Variants in MFSD1 observed in about 807,000 individuals in gnomAD.
The protein encoded by MFSD1 is major facilitator superfamily domain containing 1.
MFSD1 carries 59 observed loss-of-function variants against 67.1 expected under a neutral mutation model. The observed-to-expected ratio is 0.88, with a 90% CI of 0.71 to 1.09. MFSD1 has a LOEUF of 1.09. Ranked by LOEUF, MFSD1 falls within the 50% of genes least tolerant of loss-of-function variation. MFSD1 has a pLI of 0.00. For synonymous variants in MFSD1, 213 were observed against 200.3 expected (o/e 1.06, Z -0.54); for missense variants, 552 against 566.1 (o/e 0.97, Z 0.25).
rs546247660 is a variant in MFSD1 at position 158,811,699 on chromosome 3, T to C, written c.550-2266T>C. The stretch of plus-strand genomic sequence containing the variant: ...GGATGTCAACTGCGTGAAATGCTAT[T>C]GATAGGTCAGACACTGCTGAAGACT... On this transcript the variant is annotated intron_variant, in intron 6 of 15. Coordinates refer to ENST00000415822, the MANE Select transcript of MFSD1 (RefSeq NM_022736.4). 2.8e-4 allele frequency among the ~76,000 whole-genome samples: 42 copies of C among 152,342 alleles called. No individual in the cohort carries two copies. In the South Asian group the frequency reaches 4.8e-3, roughly 17 times the overall value.
At chr3:158,824,098 G>T in intron 12 of MFSD1, 26 bp from the exon 13 acceptor site, 1 of 1,520,430 alleles carries the variant, frequency 6.6e-7, no homozygotes. Context: ...AAAATGAAAT[G>T]TGTCTTTATA....
rs1371624119 is a variant in MFSD1, at chr3:158,816,372, T to A, written c.652+2305T>A. On this transcript the variant is annotated intron_variant, in intron 7 of 15. Coordinates refer to ENST00000415822, the MANE Select transcript of MFSD1 (RefSeq NM_022736.4). Reference sequence around the variant, plus strand: ...TAACTGGTGTGAGATGGTATCTCATTGTGGTTTTGATTTGCATTTCTCTGA... The same window carrying A: ...TAACTGGTGTGAGATGGTATCTCATAGTGGTTTTGATTTGCATTTCTCTGA... 4.7e-4 allele frequency among the ~76,000 whole-genome samples: 71 copies of A among 152,252 alleles called. 1 individual carries two copies. The highest frequency in any genetic ancestry group is 2.1e-4 in the Non-Finnish European group (14 of 67,972).
intron 6 of MFSD1, 56 bp from the exon 7 acceptor site, chr3:158,813,909 A>G: frequency 7.8e-7 from 1 of 1,288,494 alleles, no homozygotes; most frequent in Non-Finnish European, 1.1e-6. Context: ...TTTTTGAACA[A>G]AGCAGAGATA....
chr3:158,802,276 C>T lies in MFSD1; in HGVS notation c.124C>T (p.Arg42Trp). 2.5e-6 allele frequency: 4 copies of T among 1,611,434 alleles called. No homozygotes were observed. Among genetic ancestry groups the T allele is most frequent in the African/African-American group, 1.3e-5 (1 of 74,906 alleles). ...ALCDPSRLAHRLLVLLLMCFL... is the reference protein window; with the variant it reads ...ALCDPSRLAHWLLVLLLMCFL... ...CTGCGACCCCAGTCGCCTGGCGCACCGGCTTTTGGTGCTGTTACTGATGTG... is the reference window on the plus strand; with the variant it reads ...CTGCGACCCCAGTCGCCTGGCGCACTGGCTTTTGGTGCTGTTACTGATGTG... Residue 42 changes from arginine to tryptophan, a missense_variant, in exon 1 of 16, where the codon CGG becomes TGG. Coordinates refer to ENST00000415822, the MANE Select transcript of MFSD1 (RefSeq NM_022736.4).
chr3:158,807,009 T>C (rs1729760848), intron 3 of MFSD1, 31 bp from the exon 4 acceptor site: 1 of 1,578,986 alleles, frequency 6.3e-7, no homozygotes, highest in Admixed American at 1.8e-5. Context: ...CTTTTTCTTT[T>C]TCTCATTCTC....
In MFSD1 at chr3:158,821,604, T is replaced by G. The variant is rs768553930; in HGVS notation, c.871T>G (p.Phe291Val). The change falls in exon 10 of 16, where the codon TTT (phenylalanine) becomes GTT (valine). Residue 291 changes from phenylalanine to valine, a missense_variant. By Grantham distance (50) the Phe-to-Val change is conservative. Transcript: ENST00000415822. ...CTGTCTTTTTAATTTTAGAGTTTTC[T>G]TTACAGAGAAATTTGGATTTTCTTC... ...FPFIGLGKVF[F>V]TEKFGFSSQA... 3.1e-6 allele frequency: 5 copies of G among 1,606,900 alleles called. No homozygotes were observed. In the East Asian group the frequency reaches 8.9e-5, roughly 29 times the overall value.
intron 9 of MFSD1, among the ~76,000 whole-genome samples, 193 bp downstream of exon 9, chr3:158,820,519 T>C (rs1730616200): frequency 1.3e-5 from 2 of 152,232 alleles, no homozygotes; most frequent in African/African-American, 4.8e-5. Context: ...ACTTTTATTA[T>C]TCTTTTGAAG....
Position 158,807,023 on chromosome 3 carries a change from CT to C in MFSD1, c.330-14del. ...TCTTTTTCTTTTTCTCATTCTCATT[CT>C]TTCTTTCCCAAACAGATGGGGCACA... On this transcript the variant is annotated splice_polypyrimidine_tract_variant and intron_variant, in intron 3 of 15. Transcript: ENST00000415822. 1 of 1,591,862 alleles carries C rather than the reference CT, an allele frequency of 6.3e-7. No homozygotes were observed. Among genetic ancestry groups the C allele is most frequent in the Non-Finnish European group, 8.6e-7 (1 of 1,169,270 alleles).
At position 158,829,409 on chromosome 3, in the gene MFSD1, G is replaced by A. The variant is rs1396024342; in HGVS notation, c.*427G>A. On this transcript the variant is annotated 3_prime_UTR_variant, in exon 16 of 16. Transcript: ENST00000415822. ...GCTGCGTTACACAAAATAAACAATG[G>A]CATTGTCATAGGCCTTCCTTTTACT... 2 of 153,240 alleles carry A rather than the reference G, an allele frequency of 1.3e-5. No individual in the cohort carries two copies. The highest frequency in any genetic ancestry group is 2.9e-5 in the Non-Finnish European group (2 of 68,776). The allele number at this position is 153,240 out of a possible 1,614,324, so 9.5% of individuals were successfully genotyped here.
chr3:158,803,740 CTCTT>C (rs1393370821), intron 1 of MFSD1, among the ~76,000 whole-genome samples: 1 of 152,216 alleles, frequency 6.6e-6, no homozygotes, highest in Non-Finnish European at 1.5e-5. Context: ...CCCTACTTCT[CTCTT>C]TCCAGTTCCC....
At chr3:158,826,997 A>G (rs1022354425) in intron 14 of MFSD1, among the ~76,000 whole-genome samples, 4 of 152,164 alleles carry the variant, frequency 2.6e-5, no homozygotes, top group African/African-American at 9.7e-5. Context: ...ATTATTGAAT[A>G]TTAATACAGT....
intron 5 of MFSD1, 26 bp from the exon 6 acceptor site, chr3:158,809,153 G>A: frequency 8.3e-7 from 1 of 1,205,254 alleles, no homozygotes; most frequent in Non-Finnish European, 1.1e-6. Context: ...GTGACTTCTG[G>A]TTTTTTTTTT....
At chr3:158,806,543 T>C (rs6769663) in intron 3 of MFSD1, among the ~76,000 whole-genome samples, 3,308 of 152,310 alleles carry the variant, frequency 0.022, 128 homozygotes, top group African/African-American at 0.076. Flanking sequence ...GATGTCCAGA[T>C]TGTAGGATGT....
intron 7 of MFSD1, among the ~76,000 whole-genome samples, chr3:158,816,448 T>C (rs1258884767): frequency 2.6e-5 from 4 of 152,240 alleles, no homozygotes; most frequent in African/African-American, 9.6e-5. Flanking sequence ...TGCATAAATG[T>C]CTTCTTTTGA....
At chr3:158,806,885 T>C in intron 3 of MFSD1, among the ~76,000 whole-genome samples, 155 bp from the exon 4 acceptor site, 1 of 152,162 alleles carries the variant, frequency 6.6e-6, no homozygotes, top group East Asian at 1.9e-4. Context: ...AGCCCTTTAT[T>C]TTTCTTTCTT....
Position 158,804,337 on chromosome 3 carries a change from A to T in MFSD1, c.182A>T (p.Asp61Val). The change falls in exon 2 of 16, where the codon GAT (aspartate) becomes GTT (valine). Residue 61 changes from aspartate to valine, a missense_variant. Coordinates refer to ENST00000415822, the MANE Select transcript of MFSD1 (RefSeq NM_022736.4). ...TTTCTAGGCAGCTATTTTTGCTATG[A>T]TAATCCTGCTGCCCTTCAGACTCAA... ...FLGFGSYFCYDNPAALQTQVK... is the reference protein window; with the variant it reads ...FLGFGSYFCYVNPAALQTQVK... 6.2e-7 allele frequency: 1 copy of T among 1,610,832 alleles called. No individual in the cohort carries two copies. Among genetic ancestry groups the T allele is most frequent in the Non-Finnish European group, 8.5e-7 (1 of 1,178,888 alleles).
At position 158,807,426 on chromosome 3, in the gene MFSD1, G is replaced by T; in HGVS notation, c.403G>T (p.Ala135Ser). The T allele has an allele frequency of 6.2e-7, 1 of 1,612,998 alleles. No homozygotes were observed. Among genetic ancestry groups the T allele is most frequent in the Non-Finnish European group, 8.5e-7 (1 of 1,179,288 alleles). The change falls in exon 5 of 16, where the codon GCT (alanine) becomes TCT (serine). Residue 135 changes from alanine (A) to serine (S), a missense_variant. Physicochemically the swap from Ala to Ser is moderately conservative, Grantham distance 99. Coordinates refer to ENST00000415822, the MANE Select transcript of MFSD1 (RefSeq NM_022736.4). ...TTTTGCCCTGGGTGGAATATTTAATGCTTTTTGGCTGATGGAATTTGGAAG... is the reference window on the plus strand; with the variant it reads ...TTTTGCCCTGGGTGGAATATTTAATTCTTTTTGGCTGATGGAATTTGGAAG... ...VVFALGGIFN[A>S]FWLMEFGRFV...
At chr3:158,806,957 A>G in intron 3 of MFSD1, 83 bp from the exon 4 acceptor site, 1 of 1,166,040 alleles carries the variant, frequency 8.6e-7, no homozygotes, top group South Asian at 1.4e-5. Context: ...GGACTTTGTG[A>G]TTACTAATAC....
Position 158,824,141 on chromosome 3 carries a change from A to G in MFSD1, c.1193A>G (p.Asn398Ser). 1.2e-6 allele frequency: 2 copies of G among 1,612,052 alleles called. No individual in the cohort carries two copies. Among genetic ancestry groups the G allele is most frequent in the Non-Finnish European group, 8.5e-7 (1 of 1,179,334 alleles). ...CATTGTAGCATGCAGTCCATTCAGAATCTTGGGTTGGCCATCATTTCCATC... is the reference window on the plus strand; with the variant it reads ...CATTGTAGCATGCAGTCCATTCAGAGTCTTGGGTTGGCCATCATTTCCATC... ...TAYGFMQSIQ[N>S]LGLAIISIIA... is the part of the protein sequence containing the mutation. The change falls in exon 13 of 16, where the codon AAT becomes AGT. Residue 398 changes from asparagine to serine, a missense_variant. Transcript: ENST00000415822.
Sources: allele counts gnomAD v4.1 joint callset (sites outside exome capture counted in the v4.1 genomes callset), GRCh38; gene constraint gnomAD v4.1.1; transcripts MANE v1.5; gene names NCBI Gene and HGNC (gene_info 2026-07-23, HGNC 2026-07-21).